Variants in STAC3 observed in about 807,000 individuals in gnomAD.
The protein encoded by STAC3 is SH3 and cysteine rich domain 3, also known as SH3 and cysteine-rich domain-containing protein 3.
A neutral mutation model predicts 48.5 loss-of-function variants in STAC3; 30 were observed. The observed-to-expected ratio is 0.62, with a 90% CI of 0.46 to 0.84. The LOEUF is 0.84. Ranked by LOEUF, STAC3 falls within the 40% of genes least tolerant of loss-of-function variation. The pLI is 0.00. For missense variants in STAC3, 419 were observed against 462.6 expected (o/e 0.91, Z 0.86); for synonymous variants, 144 against 158.6 (o/e 0.91, Z 0.69).
In STAC3 at chr12:57,244,376, G is replaced by C; in HGVS notation, c.807-10C>G. 1.2e-6 allele frequency: 2 copies of C among 1,614,078 alleles called. No individual in the cohort carries two copies. Among genetic ancestry groups the C allele is most frequent in the Non-Finnish European group, 1.7e-6 (2 of 1,180,028 alleles). ...GATCTTCTCTCCTGGCCTGGGAGGG[G>C]AAGGGAGGGGCCTCACTCACATAGC... On this transcript the variant is annotated splice_polypyrimidine_tract_variant and intron_variant, in intron 9 of 11. Coordinates refer to ENST00000332782, the MANE Select transcript of STAC3 (RefSeq NM_145064.3).
intron 1 of STAC3, among the ~76,000 whole-genome samples, chr12:57,250,445 A>G (rs913139307): frequency 1.4e-5 from 2 of 147,860 alleles, no homozygotes; most frequent in Non-Finnish European, 3.0e-5. Context: ...CTTCCCAATT[A>G]GTTCCTCAAA....
rs747619441 is a variant in STAC3 at position 57,249,162 on chromosome 12, T to TTCTTCC, written c.207_212dup (p.Glu75_Glu76dup). 42 of 1,613,930 alleles carry TTCTTCC rather than the reference T, an allele frequency of 2.6e-5. No individual in the cohort carries two copies. The highest frequency in any genetic ancestry group is 1.8e-4 in the South Asian group (16 of 91,086). ...CTGGGGGTGGCTCCTCCTCCTCCTC[T>TTCTTCC]TCTTCCTCTTCCTCTTCCTCATAGA... is the stretch of plus-strand genomic sequence containing the variant. On this transcript the variant is annotated inframe_insertion, in exon 3 of 12. Coordinates refer to ENST00000332782, the MANE Select transcript of STAC3 (RefSeq NM_145064.3).
At chr12:57,244,813 G>A in intron 8 of STAC3, 103 bp downstream of exon 8, 2 of 1,448,732 alleles carry the variant, frequency 1.4e-6, no homozygotes, top group Admixed American at 1.7e-5. Flanking sequence ...GTGATGGGAA[G>A]CCTAGGAGTT....
At position 57,249,272 on chromosome 12, in the gene STAC3, T is replaced by C. The variant is rs746244771; in HGVS notation, c.103A>G (p.Thr35Ala). ...RLKQLLRKGSTGTKEMELPPE... is the reference protein window; with the variant it reads ...RLKQLLRKGSAGTKEMELPPE... ...GGAAGTTCCATCTCCTTTGTCCCTGTAGAACCCTTCCTGAGTAACTGCTTT... is the reference window on the plus strand; with the variant it reads ...GGAAGTTCCATCTCCTTTGTCCCTGCAGAACCCTTCCTGAGTAACTGCTTT... Residue 35 changes from threonine (T) to alanine (A), a missense_variant, in exon 3 of 12, where the codon ACA becomes GCA. Coordinates refer to ENST00000332782, the MANE Select transcript of STAC3 (RefSeq NM_145064.3). 4 of 1,608,656 alleles carry C rather than the reference T, an allele frequency of 2.5e-6. No homozygotes were observed. The highest frequency in any genetic ancestry group is 2.2e-5 in the East Asian group (1 of 44,812).
At chr12:57,248,884 C>T (rs1592248182) in intron 3 of STAC3, 81 bp from the exon 4 acceptor site, 1 of 1,533,342 alleles carries the variant, frequency 6.5e-7, no homozygotes, top group Non-Finnish European at 9.0e-7. Context: ...CTTAGGTTTC[C>T]TTTTCTGTCT....
rs10876968 is a variant in STAC3, at chr12:57,250,984, G to T, written c.-2+9C>A. 0.29 allele frequency: 91,628 copies of T among 319,932 alleles called. 14,385 individuals are homozygous for T. The highest frequency in any genetic ancestry group is 0.43 in the South Asian group (17,464 of 40,256). The allele number at this position is 319,932 out of a possible 1,614,324, so 19.8% of individuals were successfully genotyped here. ...TCGTGGAAATCAAGAGGATGAAGAG[G>T]TAACTTACGTTCGGGATTCCCTAAG... is the stretch of plus-strand genomic sequence containing the variant. On this transcript the variant is annotated intron_variant, in intron 1 of 11. Transcript: ENST00000332782.
At chr12:57,249,367 A>AG (rs968930708) in intron 2 of STAC3, 59 bp from the exon 3 acceptor site, 15 of 1,529,222 alleles carry the variant, frequency 9.8e-6, no homozygotes, top group African/African-American at 2.8e-5. Flanking sequence ...TCTCTAGAGT[A>AG]GGGGGGCGCT....
Position 57,249,111 on chromosome 12 carries a change from C to T in STAC3, c.264G>A (p.Lys88=), listed in dbSNP as rs200362421. The T allele has an allele frequency of 1.2e-6, 2 of 1,613,176 alleles. No homozygotes were observed. Among genetic ancestry groups the T allele is most frequent in the Admixed American group, 1.7e-5 (1 of 59,812 alleles). Reference sequence around the variant, plus strand: ...AGAAGTGATCTTTGAATTTGTGGGGCTTATCGTTGACCAGCTTAGGAGGTT... The same window carrying T: ...AGAAGTGATCTTTGAATTTGTGGGGTTTATCGTTGACCAGCTTAGGAGGTT... ...PPEPPKLVND[K]PHKFKDHFFK... is the part of the protein sequence containing the mutation. The change falls in exon 3 of 12, where the codon AAG becomes AAA. Residue 88 remains lysine (K), a synonymous_variant. Coordinates refer to ENST00000332782, the MANE Select transcript of STAC3 (RefSeq NM_145064.3).
chr12:57,244,664 C>G (rs1225349138), intron 8 of STAC3, 42 bp from the exon 9 acceptor site: 8 of 1,605,884 alleles, frequency 5.0e-6, no homozygotes, highest in Non-Finnish European at 6.8e-6. Context: ...GCTCCTCTAC[C>G]CCACACTGAG....
At chr12:57,247,394 G>C (rs1175495733) in intron 5 of STAC3, among the ~76,000 whole-genome samples, 2 of 148,174 alleles carry the variant, frequency 1.3e-5, no homozygotes, top group African/African-American at 2.5e-5. Flanking sequence ...ATGTTTTTAA[G>C]GGTTGCCAAA....
At chr12:57,244,770 G>C in intron 8 of STAC3, 146 bp downstream of exon 8, 1 of 1,359,984 alleles carries the variant, frequency 7.4e-7, no homozygotes, top group Non-Finnish European at 1.0e-6. Context: ...GTCGTGGGTG[G>C]GTGTGCAAGT....
chr12:57,243,540 C>A lies in STAC3; in HGVS notation c.*272G>T. 1 of 431,194 alleles carries A rather than the reference C, an allele frequency of 2.3e-6. No homozygotes were observed. The highest frequency in any genetic ancestry group is 1.7e-5 in the South Asian group (1 of 60,370). The allele number at this position is 431,194 out of a possible 1,614,324, so 26.7% of individuals were successfully genotyped here. A position where few individuals can be genotyped will look rare whatever the true frequency, so the allele number is the denominator to read the frequency against. On this transcript the variant is annotated 3_prime_UTR_variant, in exon 12 of 12. Transcript: ENST00000332782. ...CCCCGCCCCCCGCCCCAGTCCCTGG[C>A]TCCTCCTAGTAGATACGCGTTTTTT...
At chr12:57,245,475 A>G (rs1186487030) in intron 6 of STAC3, among the ~76,000 whole-genome samples, 4 of 148,016 alleles carry the variant, frequency 2.7e-5, no homozygotes, top group African/African-American at 1.0e-4. Context: ...GGTTCACGCC[A>G]TTCTCCTGCC....
chr12:57,251,116 G>C lies in STAC3; in HGVS notation c.-125C>G, dbSNP rs563083094. 6 of 453,386 alleles carry C rather than the reference G, an allele frequency of 1.3e-5. No homozygotes were observed. The highest frequency in any genetic ancestry group is 2.7e-5 in the Non-Finnish European group (6 of 226,316). The allele number at this position is 453,386 out of a possible 1,614,324, so 28.1% of individuals were successfully genotyped here. A position where few individuals can be genotyped will look rare whatever the true frequency, so the allele number is the denominator to read the frequency against. On this transcript the variant is annotated 5_prime_UTR_variant, in exon 1 of 12. Coordinates refer to ENST00000332782, the MANE Select transcript of STAC3 (RefSeq NM_145064.3). ...GGGCTAAGCCCCCCCAGTACCCCCTGTGTTCACACCAGCTACCCAGTCGCT... is the reference window on the plus strand; with the variant it reads ...GGGCTAAGCCCCCCCAGTACCCCCTCTGTTCACACCAGCTACCCAGTCGCT...
At chr12:57,247,946 C>T (rs1300787669) in intron 5 of STAC3, among the ~76,000 whole-genome samples, 180 bp downstream of exon 5, 1 of 152,176 alleles carries the variant, frequency 6.6e-6, no homozygotes, top group Non-Finnish European at 1.5e-5. Context: ...AATCGTATCT[C>T]CCTCTGCTGT....
intron 6 of STAC3, among the ~76,000 whole-genome samples, chr12:57,245,531 C>T (rs1463694328): frequency 6.6e-6 from 1 of 152,006 alleles, no homozygotes; most frequent in Non-Finnish European, 1.5e-5. Context: ...CCACCACGCC[C>T]GGCTAATTTT....
In STAC3 at chr12:57,249,078, C is replaced by T. The variant is rs1444992388; in HGVS notation, c.297G>A (p.Lys99=). 1 of 1,608,090 alleles carries T rather than the reference C, an allele frequency of 6.2e-7. No homozygotes were observed. Among genetic ancestry groups the T allele is most frequent in the East Asian group, 2.2e-5 (1 of 44,808 alleles). The change falls in exon 3 of 12, where the codon AAG becomes AAA. Residue 99 remains lysine, a synonymous_variant. Transcript: ENST00000332782. ...GGGCACAGACATCACAGAACTTTGG[C>T]TTCTTGAAGAAGTGATCTTTGAATT... ...PHKFKDHFFK[K]PKFCDVCARM... is the part of the protein sequence containing the mutation.
intron 4 of STAC3, 198 bp from the exon 5 acceptor site, chr12:57,248,396 T>G (rs1325643317): frequency 6.7e-5 from 37 of 556,112 alleles, no homozygotes; most frequent in Non-Finnish European, 1.2e-4. Flanking sequence ...TTTTTTTTTT[T>G]GAGACGGAGT....
chr12:57,244,792 G>C, intron 8 of STAC3, 124 bp downstream of exon 8: 1 of 1,382,194 alleles, frequency 7.2e-7, no homozygotes, highest in South Asian at 1.2e-5. Context: ...GATGGAGAGT[G>C]TGGGTCAGAA....
Sources: allele counts gnomAD v4.1 joint callset (sites outside exome capture counted in the v4.1 genomes callset), GRCh38; gene constraint gnomAD v4.1.1; transcripts MANE v1.5; gene names NCBI Gene and HGNC (gene_info 2026-07-23, HGNC 2026-07-21).